NFIA: variants seen among roughly 807,000 people sequenced by gnomAD.
NFIA encodes nuclear factor 1 A-type.
In NFIA, 8 loss-of-function variants were observed where a neutral mutation model predicts 62.8. The ratio of observed to expected loss-of-function variants is 0.13; its 90% CI spans 0.07 to 0.23. NFIA has a LOEUF of 0.23. NFIA is among the 10% of genes least tolerant of loss of function. The pLI, the probability that NFIA is intolerant of heterozygous loss-of-function variation, is 1.00. For missense variants in NFIA, 410 were observed against 642.1 expected (o/e 0.64, Z 3.91); for synonymous variants, 235 against 238.1 (o/e 0.99, Z 0.12).
rs889500347 is a variant in NFIA at position 61,461,938 on chromosome 1, TTTTA to T, written c.*6622_*6625del. 3 of 152,110 alleles carry T rather than the reference TTTTA, an allele frequency of 2.0e-5. No homozygotes were observed. Among genetic ancestry groups the T allele is most frequent in the African/African-American group, 7.2e-5 (3 of 41,410 alleles). The allele number at this position is 152,110 out of a possible 1,614,324, so 9.4% of individuals were successfully genotyped here. On this transcript the variant is annotated 3_prime_UTR_variant, in exon 11 of 11. Coordinates refer to ENST00000403491, the MANE Select transcript of NFIA (RefSeq NM_001134673.4). Reference sequence around the variant, plus strand: ...CTCAACTTCTCAAAATGAAAAAAGCTTTTATTTTTCCTTTGACTTATTTGTGTTG... The same window carrying T: ...CTCAACTTCTCAAAATGAAAAAAGCTTTTTTCCTTTGACTTATTTGTGTTG...
At chr1:61,140,652 C>T (rs1373454159) in intron 2 of NFIA, among the ~76,000 whole-genome samples, 1 of 152,094 alleles carries the variant, frequency 6.6e-6, no homozygotes, top group African/African-American at 2.4e-5. Context: ...TTTTACCCTG[C>T]TGGAATGTAG....
chr1:61,399,807 C>T (rs1358415985), intron 7 of NFIA, among the ~76,000 whole-genome samples: 1 of 152,160 alleles, frequency 6.6e-6, no homozygotes, highest in African/African-American at 2.4e-5. Flanking sequence ...CTTAAGAGCA[C>T]TCTTATGTGT....
chr1:61,285,903 A>G (rs1185619874), intron 3 of NFIA, among the ~76,000 whole-genome samples: 1 of 152,182 alleles, frequency 6.6e-6, no homozygotes, highest in East Asian at 1.9e-4. Flanking sequence ...GTTTTCTTAG[A>G]TCTCTGTAGG....
chr1:61,299,278 T>C (rs1659365011), intron 3 of NFIA, among the ~76,000 whole-genome samples: 1 of 152,160 alleles, frequency 6.6e-6, no homozygotes, highest in Non-Finnish European at 1.5e-5. Flanking sequence ...TTGATTAGAA[T>C]TTTACCTTCC....
At chr1:61,437,954 G>C (rs1667406635) in intron 10 of NFIA, among the ~76,000 whole-genome samples, 2 of 152,170 alleles carry the variant, frequency 1.3e-5, no homozygotes, top group Non-Finnish European at 2.9e-5. Flanking sequence ...AAAGCACTTG[G>C]ACTTTATTCT....
At chr1:61,209,590 G>A (rs899188650) in intron 2 of NFIA, among the ~76,000 whole-genome samples, 1 of 152,006 alleles carries the variant, frequency 6.6e-6, no homozygotes, top group Non-Finnish European at 1.5e-5. Flanking sequence ...TTGGGAGGCT[G>A]AGGCGGGTGG....
At chr1:61,383,049 T>G (rs1433329532) in intron 6 of NFIA, among the ~76,000 whole-genome samples, 188 bp from the exon 7 acceptor site, 1 of 152,214 alleles carries the variant, frequency 6.6e-6, no homozygotes, top group East Asian at 1.9e-4. Context: ...ACAGACCGAC[T>G]TATCAGGGGA....
At chr1:61,432,342 G>T (rs1465044199) in intron 10 of NFIA, among the ~76,000 whole-genome samples, 1 of 151,554 alleles carries the variant, frequency 6.6e-6, no homozygotes, top group African/African-American at 2.4e-5. Context: ...GCTGCACAAG[G>T]CTCAGCCAGA....
intron 3 of NFIA, among the ~76,000 whole-genome samples, chr1:61,285,221 G>A (rs1395492278): frequency 3.3e-5 from 5 of 152,026 alleles, no homozygotes; most frequent in Admixed American, 3.3e-4. Flanking sequence ...TCCTTAGAAG[G>A]ACCACTTCTA....
intron 10 of NFIA, among the ~76,000 whole-genome samples, chr1:61,434,457 A>G (rs1019985858): frequency 3.3e-5 from 5 of 152,174 alleles, no homozygotes; most frequent in African/African-American, 9.7e-5. Flanking sequence ...TGACTCACTG[A>G]CAGGCTATGA....
chr1:61,379,582 A>G (rs1053013359), intron 6 of NFIA, among the ~76,000 whole-genome samples: 2 of 151,376 alleles, frequency 1.3e-5, no homozygotes, highest in Non-Finnish European at 2.9e-5. Flanking sequence ...TAAGTTTTGT[A>G]TTTTTAGTAG....
chr1:61,206,073 A>C (rs1391709830), intron 2 of NFIA, among the ~76,000 whole-genome samples: 1 of 151,238 alleles, frequency 6.6e-6, no homozygotes, highest in Non-Finnish European at 1.5e-5. Context: ...GCATCAATTA[A>C]CTTTTTTATG....
chr1:61,301,326 C>T (rs990480375), intron 3 of NFIA, among the ~76,000 whole-genome samples: 1 of 152,138 alleles, frequency 6.6e-6, no homozygotes, highest in Non-Finnish European at 1.5e-5. Flanking sequence ...GCTGCCAATC[C>T]ATCAGGACTT....
chr1:61,102,594 A>G (rs1345894423), intron 2 of NFIA, among the ~76,000 whole-genome samples: 2 of 152,148 alleles, frequency 1.3e-5, no homozygotes, highest in African/African-American at 2.4e-5. Context: ...ACTTCATATA[A>G]TATGAATAAA....
At chr1:61,093,197 T>G (rs1646350643) in intron 2 of NFIA, among the ~76,000 whole-genome samples, 1 of 152,196 alleles carries the variant, frequency 6.6e-6, no homozygotes, top group Admixed American at 6.5e-5. Context: ...GTGTTTACAT[T>G]CAAATCTAGG....
rs17122052 is a variant in NFIA, at chr1:61,380,319, C to T, written c.947-2918C>T. 3.3e-3 allele frequency among the ~76,000 whole-genome samples: 499 copies of T among 152,152 alleles called. 10 individuals carry two copies. The East Asian group carries it at 0.034, about 10-fold the overall frequency. On this transcript the variant is annotated intron_variant, in intron 6 of 10. Coordinates refer to ENST00000403491, the MANE Select transcript of NFIA (RefSeq NM_001134673.4). ...AGAAAAAGAGTAGGATTACTTCATC[C>T]GTAGTCTTTTTTTAAAAATCTGGTA...
chr1:61,171,693 A>T (rs1319776919), intron 2 of NFIA, among the ~76,000 whole-genome samples: 2 of 152,126 alleles, frequency 1.3e-5, no homozygotes, highest in Non-Finnish European at 2.9e-5. Context: ...TATCATTCCT[A>T]TGGTGCTATA....
chr1:61,416,699 G>A (rs933950466), intron 9 of NFIA, among the ~76,000 whole-genome samples: 3 of 152,026 alleles, frequency 2.0e-5, no homozygotes, highest in Non-Finnish European at 1.5e-5. Flanking sequence ...CATTTTGATA[G>A]GTATTTTCAT....
chr1:61,438,568 G>A (rs979940350), intron 10 of NFIA, among the ~76,000 whole-genome samples: 8 of 152,114 alleles, frequency 5.3e-5, no homozygotes, highest in Non-Finnish European at 1.2e-4. Flanking sequence ...CCAGTGGAAT[G>A]ATATTTATGT....
Sources: allele counts gnomAD v4.1 joint callset (sites outside exome capture counted in the v4.1 genomes callset), GRCh38; gene constraint gnomAD v4.1.1; transcripts MANE v1.5; gene names NCBI Gene and HGNC (gene_info 2026-07-23, HGNC 2026-07-21).